HECW1: variants seen among roughly 807,000 people sequenced by gnomAD.
HECW1 encodes the protein E3 ubiquitin-protein ligase HECW1.
Under a neutral mutation model 182.3 loss-of-function variants are expected in HECW1, and 61 were observed. The observed-to-expected ratio is 0.33, with a 90% confidence interval of 0.27 to 0.41. The LOEUF (loss-of-function observed/expected upper bound fraction) is 0.41. Among genes scored for constraint, HECW1 ranks in the 10% least tolerant of loss-of-function variants. The probability of loss-of-function intolerance (pLI) is 1.00; values close to 1 mark genes in which losing one functional copy is unlikely to be tolerated. For synonymous variants in HECW1, 859 were observed against 832.6 expected (o/e 1.03, Z -0.55); for missense variants, 1,739 against 2,108.9 (o/e 0.82, Z 3.44).
chr7:43,465,595 C>T (rs1160147099), intron 14 of HECW1, among the ~76,000 whole-genome samples: 1 of 152,220 alleles, frequency 6.6e-6, no homozygotes, highest in Non-Finnish European at 1.5e-5. Context: ...AAACAAGGCA[C>T]AAGGCCAGCC....
At chr7:43,145,849 T>C (rs192813187) in intron 2 of HECW1, among the ~76,000 whole-genome samples, 66 of 152,244 alleles carry the variant, frequency 4.3e-4, no homozygotes, top group African/African-American at 1.4e-3. Flanking sequence ...AAAATAATAA[T>C]AACAGAGTGG....
intron 3 of HECW1, chr7:43,274,702 G>A (rs1377617491): frequency 3.9e-6 from 1 of 257,338 alleles, no homozygotes; most frequent in Admixed American, 5.1e-5. Flanking sequence ...TACAAAAATA[G>A]ACACGAACTA....
At chr7:43,323,474 T>C (rs921861802) in intron 5 of HECW1, among the ~76,000 whole-genome samples, 4 of 151,918 alleles carry the variant, frequency 2.6e-5, no homozygotes, top group African/African-American at 9.7e-5. Flanking sequence ...TAGTCGCAGC[T>C]ACTTGGGAGG....
chr7:43,459,148 G>A (rs1283549414), intron 13 of HECW1, among the ~76,000 whole-genome samples: 1 of 152,106 alleles, frequency 6.6e-6, no homozygotes, highest in Non-Finnish European at 1.5e-5. Flanking sequence ...CGTGCCCCAG[G>A]AAGCCGTCCC....
chr7:43,180,626 A>G (rs1343897966), intron 2 of HECW1, among the ~76,000 whole-genome samples: 1 of 152,064 alleles, frequency 6.6e-6, no homozygotes, highest in East Asian at 1.9e-4. Flanking sequence ...CGACCTCCTG[A>G]CCTCGTGATC....
intron 16 of HECW1, among the ~76,000 whole-genome samples, chr7:43,478,047 A>G (rs1439158834): frequency 1.3e-5 from 2 of 152,200 alleles, no homozygotes; most frequent in African/African-American, 4.8e-5. Flanking sequence ...TATGAGAGAT[A>G]ATTTTAAATT....
Position 43,503,636 on chromosome 7 carries a change from G to C in HECW1, c.3631+2314G>C, listed in dbSNP as rs568960699. ...CTTTATTCTCTAGCATTGACCACAG[G>C]GTCCTAGAATATGTAATCCAAATAC... On this transcript the variant is annotated intron_variant, in intron 21 of 29. Transcript: ENST00000395891. 1.2e-3 allele frequency among the ~76,000 whole-genome samples: 187 copies of C among 152,088 alleles called. 7 individuals carry two copies. In the South Asian group the frequency reaches 0.037, roughly 30 times the overall value.
chr7:43,221,539 T>G (rs1187856109), intron 2 of HECW1, among the ~76,000 whole-genome samples: 2 of 18,960 alleles, frequency 1.1e-4, no homozygotes, highest in African/African-American at 5.0e-4. Context: ...GGAATTAGGT[T>G]TTTTTTTTTT....
chr7:43,494,165 C>G lies in HECW1; in HGVS notation c.3437+985C>G, dbSNP rs555174979. Among the ~76,000 whole-genome samples the G allele has an allele frequency of 4.6e-5, 7 of 152,238 alleles. No homozygotes were observed. The East Asian group carries it at 1.2e-3, about 25-fold the overall frequency. ...CACTATTCTTTCCCCTCCAACACCC[C>G]CTCATTGACACCTCTTTTCCCTGTA... On this transcript the variant is annotated intron_variant, in intron 19 of 29. Transcript: ENST00000395891.
At chr7:43,554,814 G>T in intron 29 of HECW1, 24 bp downstream of exon 29, 1 of 1,602,628 alleles carries the variant, frequency 6.2e-7, no homozygotes, top group East Asian at 2.2e-5. Context: ...GCCAGCCTTC[G>T]GGGAAACCTG....
At chr7:43,301,508 C>T (rs960613820) in intron 3 of HECW1, among the ~76,000 whole-genome samples, 8 of 152,204 alleles carry the variant, frequency 5.3e-5, no homozygotes, top group Non-Finnish European at 1.2e-4. Context: ...TCTCTGTATC[C>T]ATACTCAGCA....
At chr7:43,312,666 T>C (rs546100632) in intron 4 of HECW1, among the ~76,000 whole-genome samples, 1 of 152,376 alleles carries the variant, frequency 6.6e-6, no homozygotes, top group South Asian at 2.1e-4. Flanking sequence ...TTGTTCTATG[T>C]GAATTTTCTC....
rs944048752 is a variant in HECW1, at chr7:43,207,328, G to C, written c.-31-36547G>C. Among the ~76,000 whole-genome samples the C allele has an allele frequency of 5.1e-4, 78 of 152,246 alleles. 1 individual carries two copies. The highest frequency in any genetic ancestry group is 1.8e-3 in the African/African-American group (76 of 41,538). On this transcript the variant is annotated intron_variant, in intron 2 of 29. Coordinates refer to ENST00000395891, the MANE Select transcript of HECW1 (RefSeq NM_015052.5). ...ACCAAAGTGCTGGGATTACAGATGT[G>C]AGCCACCGCACGCCGCCTAAAATTC...
intron 2 of HECW1, among the ~76,000 whole-genome samples, chr7:43,234,640 A>G (rs1798156700): frequency 6.6e-6 from 1 of 151,760 alleles, no homozygotes; most frequent in African/African-American, 2.4e-5. Context: ...TTCATCTCCT[A>G]CCCACGTCTT....
chr7:43,142,895 A>G (rs1788316991), intron 2 of HECW1, among the ~76,000 whole-genome samples: 1 of 147,936 alleles, frequency 6.8e-6, no homozygotes, highest in Non-Finnish European at 1.5e-5. Context: ...CAGGTCCCAG[A>G]TCTGTAAAAT....
At chr7:43,286,192 C>T (rs1322902637) in intron 3 of HECW1, among the ~76,000 whole-genome samples, 1 of 152,150 alleles carries the variant, frequency 6.6e-6, no homozygotes, top group Admixed American at 6.5e-5. Context: ...ATGAATTGAA[C>T]AGAGAGATGA....
rs371529063 is a variant in HECW1 at position 43,130,084 on chromosome 7, AT to A, written c.-32+15701del. 1.7e-3 allele frequency among the ~76,000 whole-genome samples: 256 copies of A among 152,126 alleles called. 1 individual carries two copies. The highest frequency in any genetic ancestry group is 4.6e-3 in the African/African-American group (189 of 41,502). On this transcript the variant is annotated intron_variant, in intron 2 of 29. Coordinates refer to ENST00000395891, the MANE Select transcript of HECW1 (RefSeq NM_015052.5). ...AATATGAAATCACACCATAAATACA[AT>A]TTTTTTTAAGCTTTGACTTACATAA...
rs781675799 is a variant in HECW1 at position 43,562,563 on chromosome 7, T to A, written c.*637T>A. ...TAGACATACGGTGCAAATATGACAC[T>A]TCTAACGATTAACAACAGCAAGAAA... On this transcript the variant is annotated 3_prime_UTR_variant, in exon 30 of 30. Transcript: ENST00000395891. 4.4e-6 allele frequency: 1 copy of A among 227,970 alleles called. No individual in the cohort carries two copies. The highest frequency in any genetic ancestry group is 2.2e-5 in the African/African-American group (1 of 45,038). 14.1% of individuals were successfully genotyped at this position (227,970 alleles called of 1,614,324 possible). A position where few individuals can be genotyped will look rare whatever the true frequency, so the allele number is the denominator to read the frequency against.
At chr7:43,459,139 G>A (rs796952936) in intron 13 of HECW1, among the ~76,000 whole-genome samples, 1 of 152,172 alleles carries the variant, frequency 6.6e-6, no homozygotes, top group African/African-American at 2.4e-5. Flanking sequence ...ACTCAATGTC[G>A]TGCCCCAGGA....
Sources: allele counts gnomAD v4.1 joint callset (sites outside exome capture counted in the v4.1 genomes callset), GRCh38; gene constraint gnomAD v4.1.1; transcripts MANE v1.5; gene names NCBI Gene and HGNC (gene_info 2026-07-23, HGNC 2026-07-21).